The following DNAH12 variants were observed in gnomAD, a reference collection of about 807,000 sequenced individuals.
The protein encoded by DNAH12 is axonemal beta dynein heavy chain 12.
DNAH12 carries 285 observed loss-of-function variants against 371.5 expected under a neutral mutation model. That is an observed-to-expected ratio of 0.77 (90% CI 0.70 to 0.85). The LOEUF is 0.85. DNAH12 is among the 40% of genes least tolerant of loss of function. The pLI, the probability that DNAH12 is intolerant of heterozygous loss-of-function variation, is 0.00. For missense variants in DNAH12, 3,611 were observed against 3,689.4 expected, an observed-to-expected ratio of 0.98 and a Z score of 0.55; for synonymous variants, 1,200 against 1,213.0, an observed-to-expected ratio of 0.99 and a Z score of 0.22.
At chr3:57,536,630 C>T (rs1338177056) in intron 2 of DNAH12, among the ~76,000 whole-genome samples, 4 of 152,218 alleles carry the variant, frequency 2.6e-5, no homozygotes, top group African/African-American at 7.2e-5. Context: ...GGCTTCCCTT[C>T]ATCCATCATT....
chr3:57,418,500 A>T (rs1222284016), intron 37 of DNAH12, among the ~76,000 whole-genome samples: 2 of 149,772 alleles, frequency 1.3e-5, no homozygotes, highest in African/African-American at 4.9e-5. Context: ...TGATCGCACC[A>T]CTGTAGTCCA....
intron 62 of DNAH12, among the ~76,000 whole-genome samples, 152 bp from the exon 63 acceptor site, chr3:57,323,771 A>G (rs1182007797): frequency 2.0e-5 from 3 of 152,252 alleles, no homozygotes; most frequent in African/African-American, 7.2e-5. Context: ...TCTCTAAAAA[A>G]TAAAAACTAT....
chr3:57,446,477 C>CAATTAG, intron 26 of DNAH12, 60 bp downstream of exon 26: 1 of 1,476,096 alleles, frequency 6.8e-7, no homozygotes. Context: ...TCCATTTATC[C>CAATTAG]AATTAGACCT....
chr3:57,546,903 C>G (rs895439196), upstream of DNAH12, among the ~76,000 whole-genome samples: 50 of 152,162 alleles, frequency 3.3e-4, no homozygotes, highest in African/African-American at 1.2e-3. Flanking sequence ...ATCCCAGCAC[C>G]TTAGGAGGCC....
chr3:57,377,382 C>T (rs978014654), intron 52 of DNAH12, among the ~76,000 whole-genome samples, 160 bp from the exon 53 acceptor site: 2 of 151,932 alleles, frequency 1.3e-5, no homozygotes, highest in South Asian at 4.2e-4. Context: ...GTAAAATATA[C>T]CTATATATTT....
At chr3:57,518,491 A>G (rs2068285174) in intron 4 of DNAH12, among the ~76,000 whole-genome samples, 1 of 152,150 alleles carries the variant, frequency 6.6e-6, no homozygotes, top group Non-Finnish European at 1.5e-5. Flanking sequence ...GCCCCACTGG[A>G]TTCCAGCCTG....
At chr3:57,547,209 T>TATATAG (rs10569241), upstream of DNAH12, among the ~76,000 whole-genome samples, 220 of 149,902 alleles carry the variant, frequency 1.5e-3, 1 homozygote, top group South Asian at 4.6e-3. Flanking sequence ...CACACACACA[T>TATATAG]ATATAGATAT....
At chr3:57,294,529 C>T (rs1224591265) in intron 73 of DNAH12, among the ~76,000 whole-genome samples, 1 of 152,088 alleles carries the variant, frequency 6.6e-6, no homozygotes, top group African/African-American at 2.4e-5. Flanking sequence ...CAGGAATAGA[C>T]TTTAAAGTTC....
chr3:57,446,063 C>T lies in DNAH12; in HGVS notation c.4147G>A (p.Ala1383Thr), dbSNP rs1311824560. Reference sequence around the variant, plus strand: ...TTGTCCGGCAATTCAGAGCGTCCTGCATAGCCAGGATTCATGGTAATAGCT... The same window carrying T: ...TTGTCCGGCAATTCAGAGCGTCCTGTATAGCCAGGATTCATGGTAATAGCT... ...FVAITMNPGYAGRSELPDNLK... is the reference protein window; with the variant it reads ...FVAITMNPGYTGRSELPDNLK... The change falls in exon 27 of 74, where the codon GCA becomes ACA. Residue 1383 changes from alanine to threonine, a missense_variant. Ala to Thr is a moderately conservative substitution (Grantham distance 58). This residue lies in a region of DNAH12 where 2,266 missense variants were observed against 2,236.9 expected (regional missense o/e 1.01). Transcript: ENST00000495027. 3.9e-6 allele frequency: 6 copies of T among 1,551,562 alleles called. No homozygotes were observed. In the East Asian group the frequency reaches 1.5e-4, roughly 38 times the overall value.
At chr3:57,496,257 G>C (rs1291531772) in intron 11 of DNAH12, among the ~76,000 whole-genome samples, 1 of 151,868 alleles carries the variant, frequency 6.6e-6, no homozygotes, top group Non-Finnish European at 1.5e-5. Flanking sequence ...GCTGATCCAA[G>C]GCTGGATTCC....
chr3:57,456,618 G>C (rs1014209667), intron 22 of DNAH12, among the ~76,000 whole-genome samples: 2 of 152,118 alleles, frequency 1.3e-5, no homozygotes, highest in Admixed American at 6.6e-5. Flanking sequence ...AAGTGAACTA[G>C]GTCATGCATT....
rs779220327 is a variant in DNAH12 at position 57,508,444 on chromosome 3, C to T, written c.639G>A (p.Met213Ile). The T allele has an allele frequency of 6.2e-7, 1 of 1,613,070 alleles. No individual in the cohort carries two copies. The highest frequency in any genetic ancestry group is 2.2e-5 in the East Asian group (1 of 44,800). ...NLHIIHPTMK[M>I]LLDLGYTTFA... ...ATGTTGTATAACCAAGGTCCAGTAA[C>T]ATTTTCATAGTTGGATGAATAATGT... Residue 213 changes from methionine (M) to isoleucine (I), a missense_variant, in exon 7 of 74, where the codon ATG becomes ATA. Physicochemically the swap from Met to Ile is conservative, Grantham distance 10 (BLOSUM62 1). This residue lies in a region of DNAH12 where 1,314 missense variants were observed against 1,398.7 expected (regional missense o/e 0.94). Coordinates refer to ENST00000495027, the MANE Select transcript of DNAH12 (RefSeq NM_001366028.2).
At chr3:57,533,100 C>A (rs1240410787) in intron 2 of DNAH12, among the ~76,000 whole-genome samples, 2 of 152,210 alleles carry the variant, frequency 1.3e-5, no homozygotes, top group Non-Finnish European at 2.9e-5. Context: ...AGGAGCCTCA[C>A]CCCACGGCCA....
chr3:57,350,756 G>A (rs1432964904), intron 60 of DNAH12, among the ~76,000 whole-genome samples: 3 of 152,206 alleles, frequency 2.0e-5, no homozygotes, highest in African/African-American at 7.2e-5. Flanking sequence ...ATTGTCAAGG[G>A]ATTTGTGTCT....
At chr3:57,436,118 A>G (rs1342494230) in intron 30 of DNAH12, among the ~76,000 whole-genome samples, 1 of 152,036 alleles carries the variant, frequency 6.6e-6, no homozygotes, top group Non-Finnish European at 1.5e-5. Context: ...CCTCTCAGGT[A>G]GCAAAAACCA....
At chr3:57,469,633 T>C (rs1483729968) in intron 16 of DNAH12, among the ~76,000 whole-genome samples, 1 of 152,190 alleles carries the variant, frequency 6.6e-6, no homozygotes, top group Non-Finnish European at 1.5e-5. Context: ...ATATACACCA[T>C]GGAATACAAT....
At chr3:57,486,482 C>A (rs2066927818) in intron 12 of DNAH12, among the ~76,000 whole-genome samples, 1 of 151,824 alleles carries the variant, frequency 6.6e-6, no homozygotes, top group South Asian at 2.1e-4. Flanking sequence ...AGGAAAAAAC[C>A]ATGTAAAAAC....
chr3:57,479,282 T>C (rs1481355697), intron 13 of DNAH12, among the ~76,000 whole-genome samples: 2 of 152,070 alleles, frequency 1.3e-5, no homozygotes, highest in East Asian at 3.9e-4. Flanking sequence ...TAGTCTCTGA[T>C]AAAACAGACT....
chr3:57,293,730 G>T lies in DNAH12; in HGVS notation c.*51C>A. On this transcript the variant is annotated 3_prime_UTR_variant, in exon 74 of 74. Coordinates refer to ENST00000495027, the MANE Select transcript of DNAH12 (RefSeq NM_001366028.2). ...TTTATAATGTATATATTTTAAGTAGGACAGGTTTTTTTTTTTTTAAACTTT... is the reference window on the plus strand; with the variant it reads ...TTTATAATGTATATATTTTAAGTAGTACAGGTTTTTTTTTTTTTAAACTTT... The T allele has an allele frequency of 1.4e-6, 2 of 1,429,328 alleles. No homozygotes were observed. 88.5% of individuals were successfully genotyped at this position (1,429,328 alleles called of 1,614,324 possible). A position where few individuals can be genotyped will look rare whatever the true frequency, so the allele number is the denominator to read the frequency against.
Sources: allele counts gnomAD v4.1 joint callset (sites outside exome capture counted in the v4.1 genomes callset), GRCh38; gene constraint gnomAD v4.1.1; regional missense constraint gnomAD v4.1.1; transcripts MANE v1.5; gene names NCBI Gene and HGNC (gene_info 2026-07-23, HGNC 2026-07-21).